Variants in EGFR observed in about 807,000 individuals in gnomAD.
EGFR encodes avian erythroblastic leukemia viral (v-erb-b) oncogene homolog.
EGFR carries 58 observed loss-of-function variants against 143.0 expected under a neutral mutation model. The ratio of observed to expected loss-of-function variants is 0.41; its 90% CI spans 0.33 to 0.50. The LOEUF (loss-of-function observed/expected upper bound fraction) is 0.50, where lower values mean the gene tolerates loss of function less well. EGFR is among the 20% of genes least tolerant of loss of function. The pLI is 0.39. For missense variants in EGFR, 1,307 were observed against 1,579.0 expected (o/e 0.83, Z 2.92); for synonymous variants, 613 against 594.4 (o/e 1.03, Z -0.45).
At chr7:55,050,113 A>G (rs1190138142) in intron 1 of EGFR, among the ~76,000 whole-genome samples, 1 of 152,132 alleles carries the variant, frequency 6.6e-6, no homozygotes, top group African/African-American at 2.4e-5. Flanking sequence ...TACCATCTTA[A>G]TCATGTATAA....
intron 1 of EGFR, among the ~76,000 whole-genome samples, chr7:55,073,761 C>A (rs1789973821): frequency 6.6e-6 from 1 of 152,190 alleles, no homozygotes; most frequent in Admixed American, 6.5e-5. Context: ...GAGACATTCA[C>A]AGCTCTTCTG....
intron 1 of EGFR, among the ~76,000 whole-genome samples, chr7:55,084,892 TC>T (rs537963396): frequency 3.5e-4 from 54 of 152,284 alleles, no homozygotes; most frequent in Middle Eastern, 3.4e-3. Context: ...CCTGCTGTCT[TC>T]TGTCCAGGTT....
At chr7:55,113,083 C>T (rs964267169) in intron 1 of EGFR, among the ~76,000 whole-genome samples, 2 of 152,148 alleles carry the variant, frequency 1.3e-5, no homozygotes, top group Non-Finnish European at 2.9e-5. Context: ...TGACAGGCAC[C>T]GACAGGCTGT....
chr7:55,183,602 G>A (rs763091703), intron 20 of EGFR, among the ~76,000 whole-genome samples: 1 of 152,194 alleles, frequency 6.6e-6, no homozygotes, highest in Non-Finnish European at 1.5e-5. Context: ...CTCATGCCCT[G>A]ACCTGGAACC....
At position 55,196,178 on chromosome 7, in the gene EGFR, A is replaced by ATTTTTTTT. The variant is rs61541412; in HGVS notation, c.2702-2531_2702-2524dup. ...CACAACCTCACCAGCATGTGTTGGG[A>ATTTTTTTT]TTTTTTTTTTTTTTTACTTTTCAAT... On this transcript the variant is annotated intron_variant, in intron 22 of 27. Coordinates refer to ENST00000275493, the MANE Select transcript of EGFR (RefSeq NM_005228.5). Among the ~76,000 whole-genome samples the ATTTTTTTT allele has an allele frequency of 1.5e-4, 13 of 88,126 alleles. 1 individual carries two copies. Among genetic ancestry groups the ATTTTTTTT allele is most frequent in the South Asian group, 4.8e-4 (1 of 2,076 alleles). The allele number at this position is 88,126 out of a possible 152,430, so 57.8% of individuals were successfully genotyped here.
intron 11 of EGFR, 73 bp downstream of exon 11, chr7:55,157,826 G>A: frequency 1.4e-6 from 2 of 1,458,660 alleles, no homozygotes; most frequent in South Asian, 1.2e-5. Flanking sequence ...TAACAGGAGA[G>A]TTGCTAAGAT....
At chr7:55,106,307 C>T (rs1007017813) in intron 1 of EGFR, among the ~76,000 whole-genome samples, 1 of 152,246 alleles carries the variant, frequency 6.6e-6, no homozygotes, top group Admixed American at 6.5e-5. Context: ...TAGGGCCCCT[C>T]GCCCTAACTC....
chr7:55,095,669 A>G (rs1329787360), intron 1 of EGFR, among the ~76,000 whole-genome samples: 1 of 152,058 alleles, frequency 6.6e-6, no homozygotes, highest in African/African-American at 2.4e-5. Flanking sequence ...CATGCTCACA[A>G]TACACAGAAA....
intron 20 of EGFR, among the ~76,000 whole-genome samples, chr7:55,187,351 T>G (rs948301872): frequency 7.2e-5 from 11 of 152,076 alleles, no homozygotes; most frequent in African/African-American, 2.7e-4. Flanking sequence ...ATTCTACATA[T>G]GGGGAAACAA....
intron 1 of EGFR, among the ~76,000 whole-genome samples, chr7:55,100,170 C>T (rs1206407384): frequency 1.3e-5 from 2 of 152,208 alleles, no homozygotes; most frequent in African/African-American, 4.8e-5. Context: ...TCTACGATGC[C>T]TGACAGTGCC....
At chr7:55,088,756 A>G (rs1394716732) in intron 1 of EGFR, among the ~76,000 whole-genome samples, 1 of 152,178 alleles carries the variant, frequency 6.6e-6, no homozygotes, top group Non-Finnish European at 1.5e-5. Context: ...AGGCCTTCGC[A>G]ATTGAAACCA....
At chr7:55,095,295 T>G (rs1206228591) in intron 1 of EGFR, among the ~76,000 whole-genome samples, 1 of 152,222 alleles carries the variant, frequency 6.6e-6, no homozygotes, top group Non-Finnish European at 1.5e-5. Context: ...CTCAGCATCC[T>G]TTTCTGTACA....
At chr7:55,113,641 C>T in intron 1 of EGFR, among the ~76,000 whole-genome samples, 1 of 152,214 alleles carries the variant, frequency 6.6e-6, no homozygotes, top group East Asian at 1.9e-4. Context: ...TTCACTATTT[C>T]ATCCAAAAGC....
chr7:55,106,284 G>C (rs192422107), intron 1 of EGFR, among the ~76,000 whole-genome samples: 8 of 152,228 alleles, frequency 5.3e-5, no homozygotes, highest in Non-Finnish European at 1.0e-4. Flanking sequence ...AACAGTGTGC[G>C]TCCAGGTGTC....
chr7:55,096,984 A>C (rs761431422), intron 1 of EGFR, among the ~76,000 whole-genome samples: 7 of 152,146 alleles, frequency 4.6e-5, no homozygotes, highest in Non-Finnish European at 8.8e-5. Flanking sequence ...CCTGTCCTCC[A>C]CACGCATATC....
At chr7:55,139,688 A>G (rs1562750634) in intron 1 of EGFR, among the ~76,000 whole-genome samples, 1 of 152,164 alleles carries the variant, frequency 6.6e-6, no homozygotes, top group African/African-American at 2.4e-5. Flanking sequence ...TGGGCATTTA[A>G]GTTTCTTTGC....
intron 1 of EGFR, among the ~76,000 whole-genome samples, chr7:55,041,877 C>T (rs1254887564): frequency 1.3e-5 from 2 of 152,166 alleles, no homozygotes; most frequent in African/African-American, 4.8e-5. Flanking sequence ...TGGATTAAAA[C>T]TTGAATCATT....
intron 20 of EGFR, among the ~76,000 whole-genome samples, chr7:55,186,189 G>T (rs1362794977): frequency 6.6e-6 from 1 of 152,266 alleles, no homozygotes; most frequent in Non-Finnish European, 1.5e-5. Flanking sequence ...GACTGTGAGA[G>T]AGTGAAAGTG....
At chr7:55,094,468 G>C (rs1791322618) in intron 1 of EGFR, among the ~76,000 whole-genome samples, 1 of 152,228 alleles carries the variant, frequency 6.6e-6, no homozygotes, top group African/African-American at 2.4e-5. Flanking sequence ...AAGGGCCTAA[G>C]ATGTAGGCAG....
Sources: allele counts gnomAD v4.1 joint callset (sites outside exome capture counted in the v4.1 genomes callset), GRCh38; gene constraint gnomAD v4.1.1; transcripts MANE v1.5; gene names NCBI Gene and HGNC (gene_info 2026-07-23, HGNC 2026-07-21).